DHX8: variants seen among roughly 807,000 people sequenced by gnomAD.
The protein encoded by DHX8 is ATP-dependent RNA helicase DHX8.
In DHX8, 67 loss-of-function variants were observed where a neutral mutation model predicts 140.7. The ratio of observed to expected loss-of-function variants is 0.48; its 90% CI spans 0.39 to 0.58. The LOEUF (loss-of-function observed/expected upper bound fraction) is 0.58. Among genes scored for constraint, DHX8 ranks in the 20% least tolerant of loss-of-function variants. The pLI, the probability that DHX8 is intolerant of heterozygous loss-of-function variation, is 0.00. For synonymous variants in DHX8, 533 were observed against 553.2 expected (o/e 0.96, Z 0.51); for missense variants, 887 against 1,550.7 (o/e 0.57, Z 7.19).
intron 3 of DHX8, among the ~76,000 whole-genome samples, chr17:43,537,418 G>A (rs1567712890): frequency 6.6e-6 from 1 of 151,916 alleles, no homozygotes; most frequent in Non-Finnish European, 1.5e-5. Flanking sequence ...GGGTGGCTGG[G>A]CGCAGTGGTT....
rs761789829 is a variant in DHX8 at position 43,533,212 on chromosome 17, C to T, written c.351-3200C>T. 7 of 1,612,998 alleles carry T rather than the reference C, an allele frequency of 4.3e-6. No individual in the cohort carries two copies. In the Admixed American group the frequency reaches 6.7e-5, roughly 15 times the overall value. ...CTATGTTCCCCGAGGTACCCATGGC[C>T]AGGGTGGGGCTGGGAGGTGCCAGAG... On this transcript the variant is annotated intron_variant, in intron 2 of 3. Coordinates refer to the DHX8 transcript ENST00000589898.
Position 43,484,056 on chromosome 17 carries a change from A to G in DHX8, c.19A>G (p.Met7Val), listed in dbSNP as rs1183114683. ...TATAGCCATGGCTGTGGCTGTAGCC[A>G]TGGCGGGAGCCTTAATCGGGTCGGA... Reference protein sequence around the residue: MAVAVAMAGALIGSEPG... With the variant: MAVAVAVAGALIGSEPG... Residue 7 changes from methionine to valine, a missense_variant, in exon 1 of 23, where the codon ATG becomes GTG. This residue lies in a region of DHX8 where 32 missense variants were observed against 25.1 expected (regional missense o/e 1.28). Coordinates refer to ENST00000262415, the MANE Select transcript of DHX8 (RefSeq NM_004941.3). 6.2e-7 allele frequency: 1 copy of G among 1,614,180 alleles called. No homozygotes were observed. The highest frequency in any genetic ancestry group is 1.1e-5 in the South Asian group (1 of 91,086).
chr17:43,487,141 T>C (rs1159595301), intron 1 of DHX8, among the ~76,000 whole-genome samples: 1 of 152,098 alleles, frequency 6.6e-6, no homozygotes, highest in Non-Finnish European at 1.5e-5. Flanking sequence ...CTTATGAGGG[T>C]TGTTTTGGGG....
At position 43,522,205 on chromosome 17, in the gene DHX8, T is replaced by A. The variant is rs772414590; in HGVS notation, c.3422T>A (p.Leu1141His). 6.2e-7 allele frequency: 1 copy of A among 1,613,570 alleles called. No individual in the cohort carries two copies. The highest frequency in any genetic ancestry group is 8.5e-7 in the Non-Finnish European group (1 of 1,179,658). ...GTCTATATCCATCCTTCCAGTGCCC[T>A]CTTCAACAGACAGCCAGAATGGTAG... ...QVVYIHPSSA[L>H]FNRQPEWVVY... Residue 1141 changes from leucine to histidine, a missense_variant, in exon 22 of 23, where the codon CTC becomes CAC. By Grantham distance (99) the Leu-to-His change is moderately conservative. This residue lies in a region of DHX8 where 101 missense variants were observed against 168.2 expected (regional missense o/e 0.60). Coordinates refer to ENST00000262415, the MANE Select transcript of DHX8 (RefSeq NM_004941.3).
At chr17:43,491,941 GA>G (rs1276670005) in intron 4 of DHX8, among the ~76,000 whole-genome samples, 1 of 152,164 alleles carries the variant, frequency 6.6e-6, no homozygotes, top group African/African-American at 2.4e-5. Context: ...TGGCAGGGAT[GA>G]TTAATATCTA....
chr17:43,515,839 C>T (rs1054212163), intron 17 of DHX8, among the ~76,000 whole-genome samples: 2 of 152,148 alleles, frequency 1.3e-5, no homozygotes, highest in Non-Finnish European at 2.9e-5. Context: ...CCTTTCATAA[C>T]CTATCCTTTG....
At position 43,517,149 on chromosome 17, in the gene DHX8, A is replaced by T; in HGVS notation, c.2644-18A>T. 6.2e-7 allele frequency: 1 copy of T among 1,603,152 alleles called. No homozygotes were observed. The highest frequency in any genetic ancestry group is 8.5e-7 in the Non-Finnish European group (1 of 1,175,238). On this transcript the variant is annotated intron_variant, in intron 17 of 22. Transcript: ENST00000262415. ...AGTGTTTAACAGATATGTTGCTTTT[A>T]TATGCCCACCCCTCTAGGCTCAGGC...
At chr17:43,535,090 T>C (rs957696039) in intron 2 of DHX8, among the ~76,000 whole-genome samples, 11 of 152,190 alleles carry the variant, frequency 7.2e-5, no homozygotes, top group Admixed American at 7.2e-4. Context: ...GTTCCCAAAC[T>C]CTGGCCACGA....
intron 2 of DHX8, among the ~76,000 whole-genome samples, chr17:43,534,666 G>A (rs780126109): frequency 2.6e-5 from 4 of 151,736 alleles, no homozygotes; most frequent in South Asian, 2.1e-4. Context: ...TTGGCCGGGC[G>A]CGGTGGCTCA....
chr17:43,532,814 C>A, intron 2 of DHX8: 1 of 1,614,008 alleles, frequency 6.2e-7, no homozygotes, highest in Non-Finnish European at 8.5e-7. Flanking sequence ...TTGCTTAAAG[C>A]TCTGCTGGGG....
At chr17:43,485,892 G>A (rs1430865569) in intron 1 of DHX8, among the ~76,000 whole-genome samples, 1 of 152,178 alleles carries the variant, frequency 6.6e-6, no homozygotes, top group Non-Finnish European at 1.5e-5. Context: ...TATAAAACCA[G>A]TAACATTAAA....
downstream of DHX8, chr17:43,530,496 G>A: frequency 4.1e-6 from 5 of 1,233,366 alleles, no homozygotes; most frequent in South Asian, 3.5e-5. Context: ...GGGGGAGGAG[G>A]GAGGGTGAGA....
chr17:43,507,349 A>G, intron 13 of DHX8, 152 bp downstream of exon 13: 1 of 1,109,826 alleles, frequency 9.0e-7, no homozygotes, highest in Non-Finnish European at 1.3e-6. Flanking sequence ...TGTTCAGAGT[A>G]TAGTCTAAGA....
chr17:43,542,999 G>A (rs1254269424), intron 3 of DHX8, among the ~76,000 whole-genome samples: 1 of 152,112 alleles, frequency 6.6e-6, no homozygotes, highest in Admixed American at 6.5e-5. Flanking sequence ...AGAGGAGGCT[G>A]GGGTGGTGTT....
At chr17:43,502,139 G>A (rs1436933010) in intron 11 of DHX8, among the ~76,000 whole-genome samples, 1 of 152,188 alleles carries the variant, frequency 6.6e-6, no homozygotes, top group Non-Finnish European at 1.5e-5. Flanking sequence ...GACATCTTAG[G>A]TTGAGGTATC....
downstream of DHX8, chr17:43,526,815 G>T: frequency 2.6e-6 from 2 of 754,944 alleles, no homozygotes; most frequent in Non-Finnish European, 3.8e-6. Context: ...TTTGTTTCTT[G>T]CACTAAATTA....
At chr17:43,531,451 C>T (rs1186800772), downstream of DHX8, among the ~76,000 whole-genome samples, 2 of 152,170 alleles carry the variant, frequency 1.3e-5, no homozygotes, top group African/African-American at 2.4e-5. Flanking sequence ...CTGGCCAGGG[C>T]ATACATCAAT....
At chr17:43,506,855 T>G (rs1325526801) in intron 12 of DHX8, 148 bp from the exon 13 acceptor site, 3 of 559,642 alleles carry the variant, frequency 5.4e-6, no homozygotes, top group Non-Finnish European at 8.6e-6. Flanking sequence ...TATATGTGTA[T>G]ATTCCTCTTT....
rs751608922 is a variant in DHX8 at position 43,493,843 on chromosome 17, G to A, written c.1169G>A (p.Arg390His). The change falls in exon 8 of 23, where the codon CGC (arginine) becomes CAC (histidine). Residue 390 changes from arginine to histidine, a missense_variant. This residue lies in a region of DHX8 where 98 missense variants were observed against 152.7 expected (regional missense o/e 0.64). Coordinates refer to ENST00000262415, the MANE Select transcript of DHX8 (RefSeq NM_004941.3). ...EVEDDSLERK[R>H]LTRISDPEKW... ...GAGGACGACTCACTGGAACGCAAGC[G>A]CCTCACCCGAATCTCTGACCCAGAG... 4 of 1,614,208 alleles carry A rather than the reference G, an allele frequency of 2.5e-6. No homozygotes were observed. The highest frequency in any genetic ancestry group is 2.2e-5 in the East Asian group (1 of 44,886).
Sources: allele counts gnomAD v4.1 joint callset (sites outside exome capture counted in the v4.1 genomes callset), GRCh38; gene constraint gnomAD v4.1.1; regional missense constraint gnomAD v4.1.1; transcripts MANE v1.5; gene names NCBI Gene and HGNC (gene_info 2026-07-23, HGNC 2026-07-21).